The following CDH9 variants were observed in gnomAD, a reference collection of about 807,000 sequenced individuals.
CDH9 encodes cadherin 9, also known as cadherin-9.
CDH9 carries 28 observed loss-of-function variants against 70.9 expected under a neutral mutation model. The observed-to-expected ratio is 0.40, with a 90% CI of 0.29 to 0.54. The LOEUF is 0.54. Among genes scored for constraint, CDH9 ranks in the 20% least tolerant of loss-of-function variants. The pLI is 0.59. For missense variants in CDH9, 874 were observed against 984.4 expected (o/e 0.89, Z 1.50); for synonymous variants, 409 against 343.1 (o/e 1.19, Z -2.12).
chr5:27,004,744 C>G (rs1742830881), intron 1 of CDH9, among the ~76,000 whole-genome samples: 1 of 152,090 alleles, frequency 6.6e-6, no homozygotes. Context: ...ATGTTAAGAT[C>G]GATCAATATG....
At position 26,958,592 on chromosome 5, in the gene CDH9, G is replaced by T. The variant is rs140895647; in HGVS notation, c.228+29514C>A. On this transcript the variant is annotated intron_variant, in intron 2 of 11. Transcript: ENST00000231021. ...CATGATATATTTGACGAAAACTGGC[G>T]ACCTGTGAATAATTTTATATTAAAA... is the stretch of plus-strand genomic sequence containing the variant. Among the ~76,000 whole-genome samples the T allele has an allele frequency of 4.2e-4, 64 of 152,110 alleles. No individual in the cohort carries two copies. The East Asian group carries it at 0.012, about 29-fold the overall frequency.
In CDH9 at chr5:26,913,757, T is replaced by TTGTGTG. The variant is rs5866811; in HGVS notation, c.523+1867_523+1872dup. Among the ~76,000 whole-genome samples the TTGTGTG allele has an allele frequency of 7.8e-3, 1,132 of 145,540 alleles. 13 individuals carry two copies. Among genetic ancestry groups the TTGTGTG allele is most frequent in the African/African-American group, 0.024 (953 of 39,526 alleles). On this transcript the variant is annotated intron_variant, in intron 3 of 11. Transcript: ENST00000231021. ...GATTCTAAAATATATACATATATGTTTGTGTGTGTGTGTGTGTGTGTGTGT... is the reference window on the plus strand; with the variant it reads ...GATTCTAAAATATATACATATATGTTTGTGTGTGTGTGTGTGTGTGTGTGTGTGTGT...
At chr5:26,960,656 A>G (rs923108870) in intron 2 of CDH9, among the ~76,000 whole-genome samples, 1 of 151,994 alleles carries the variant, frequency 6.6e-6, no homozygotes, top group Non-Finnish European at 1.5e-5. Context: ...ATAACACTTT[A>G]TATGCACTAG....
At chr5:26,896,462 A>G (rs934067858) in intron 7 of CDH9, among the ~76,000 whole-genome samples, 1 of 134,398 alleles carries the variant, frequency 7.4e-6, no homozygotes, top group Admixed American at 7.6e-5. Context: ...ATAGTATATC[A>G]TTTATACAAT....
chr5:26,988,651 A>C (rs1742529676), intron 1 of CDH9, among the ~76,000 whole-genome samples: 1 of 152,048 alleles, frequency 6.6e-6, no homozygotes, highest in African/African-American at 2.4e-5. Context: ...ATATTTTTGT[A>C]ATTTAAAACA....
chr5:26,909,459 A>T (rs1741009641), intron 3 of CDH9, among the ~76,000 whole-genome samples: 1 of 151,542 alleles, frequency 6.6e-6, no homozygotes, highest in African/African-American at 2.4e-5. Flanking sequence ...AGTAAAATAT[A>T]GTGAAACTTG....
At position 26,885,724 on chromosome 5, in the gene CDH9, C is replaced by G; in HGVS notation, c.1772G>C (p.Cys591Ser). ...GGATTGCATGTTTCCTTGATTATCG[C>G]AGGCACACACACGGATAGTGAGTGT... is the stretch of plus-strand genomic sequence containing the variant. ...TGTLTIRVCA[C>S]DNQGNMQSCT... Residue 591 changes from cysteine to serine, a missense_variant, in exon 11 of 12, where the codon TGC (cysteine) becomes TCC (serine). Cys to Ser is a moderately radical substitution (Grantham distance 112). Transcript: ENST00000231021. The G allele has an allele frequency of 6.2e-7, 1 of 1,613,668 alleles. No individual in the cohort carries two copies. Among genetic ancestry groups the G allele is most frequent in the Non-Finnish European group, 8.5e-7 (1 of 1,179,840 alleles).
At chr5:26,887,640 T>C (rs975080053) in intron 9 of CDH9, among the ~76,000 whole-genome samples, 1 of 152,128 alleles carries the variant, frequency 6.6e-6, no homozygotes, top group African/African-American at 2.4e-5. Context: ...GTTCAAGTCT[T>C]AAATCCCAGT....
chr5:26,962,827 T>C (rs1742060665), intron 2 of CDH9, among the ~76,000 whole-genome samples: 1 of 152,120 alleles, frequency 6.6e-6, no homozygotes, highest in South Asian at 2.1e-4. Flanking sequence ...CAGATAAAAA[T>C]AACGTTTCTC....
intron 1 of CDH9, among the ~76,000 whole-genome samples, chr5:26,994,843 C>T (rs1304832018): frequency 1.3e-5 from 2 of 152,178 alleles, no homozygotes; most frequent in African/African-American, 4.8e-5. Context: ...AATTCACGGA[C>T]TTCTTGCCTT....
intron 9 of CDH9, among the ~76,000 whole-genome samples, chr5:26,888,881 C>T (rs2111971219): frequency 6.6e-6 from 1 of 152,248 alleles, no homozygotes; most frequent in East Asian, 1.9e-4. Context: ...AGCATGAGCT[C>T]TCTGTTATCT....
intron 2 of CDH9, among the ~76,000 whole-genome samples, chr5:26,964,005 C>A (rs1401037621): frequency 3.3e-5 from 5 of 151,994 alleles, no homozygotes; most frequent in African/African-American, 9.6e-5. Context: ...TAACATTAAC[C>A]TTTTCCATAA....
At chr5:26,881,809 C>A (rs1221169835) in intron 11 of CDH9, among the ~76,000 whole-genome samples, 186 bp from the exon 12 acceptor site, 1 of 152,042 alleles carries the variant, frequency 6.6e-6, no homozygotes, top group East Asian at 1.9e-4. Context: ...GATAAAGGAG[C>A]AGATATTACC....
intron 2 of CDH9, among the ~76,000 whole-genome samples, chr5:26,932,530 ATCT>A (rs1402088612): frequency 1.3e-5 from 2 of 152,076 alleles, no homozygotes; most frequent in African/African-American, 4.8e-5. Context: ...CAAATGACCA[ATCT>A]TCTTATCATT....
At chr5:26,973,111 C>T (rs1742249122) in intron 2 of CDH9, among the ~76,000 whole-genome samples, 1 of 152,112 alleles carries the variant, frequency 6.6e-6, no homozygotes, top group Non-Finnish European at 1.5e-5. Context: ...ATCTGCCCGC[C>T]TCGGCCTCCC....
intron 1 of CDH9, among the ~76,000 whole-genome samples, chr5:27,017,011 A>G (rs1743057125): frequency 6.6e-6 from 1 of 151,884 alleles, no homozygotes; most frequent in South Asian, 2.1e-4. Context: ...ATAATTGGAG[A>G]AACTCTTCAG....
At chr5:26,905,459 A>AT (rs1267681675) in intron 5 of CDH9, among the ~76,000 whole-genome samples, 1 of 152,138 alleles carries the variant, frequency 6.6e-6, no homozygotes, top group Non-Finnish European at 1.5e-5. Flanking sequence ...ATCTGCACTG[A>AT]TATCTTTAAA....
intron 1 of CDH9, among the ~76,000 whole-genome samples, chr5:27,030,100 A>T (rs1743285751): frequency 6.6e-6 from 1 of 152,014 alleles, no homozygotes; most frequent in Non-Finnish European, 1.5e-5. Flanking sequence ...ATGCAACTGT[A>T]TACCTGCAGG....
At chr5:27,025,666 A>G (rs951866389) in intron 1 of CDH9, among the ~76,000 whole-genome samples, 2 of 152,028 alleles carry the variant, frequency 1.3e-5, no homozygotes, top group Admixed American at 6.6e-5. Context: ...AACTGTACTT[A>G]AAGGATGGAA....
Sources: allele counts gnomAD v4.1 joint callset (sites outside exome capture counted in the v4.1 genomes callset), GRCh38; gene constraint gnomAD v4.1.1; transcripts MANE v1.5; gene names NCBI Gene and HGNC (gene_info 2026-07-23, HGNC 2026-07-21).